The following RIPOR3 variants were observed in gnomAD, a reference collection of about 807,000 sequenced individuals.
RIPOR3 encodes family with sequence similarity 65 member C.
Under a neutral mutation model 114.3 loss-of-function variants are expected in RIPOR3, and 95 were observed. The ratio of observed to expected loss-of-function variants is 0.83; its 90% confidence interval spans 0.70 to 0.99. The LOEUF is 0.99. RIPOR3 is among the 50% of genes least tolerant of loss of function. RIPOR3 has a pLI of 0.00. For synonymous variants in RIPOR3, 575 were observed against 543.8 expected (o/e 1.06, Z -0.80); for missense variants, 1,252 against 1,266.9 (o/e 0.99, Z 0.18).
chr20:50,680,046 T>C (rs1009644271), intron 1 of RIPOR3, among the ~76,000 whole-genome samples: 6 of 152,302 alleles, frequency 3.9e-5, no homozygotes, highest in Admixed American at 2.0e-4. Context: ...CCAGCATCTC[T>C]GTTTTGTCCT....
At chr20:50,630,629 G>T in intron 2 of RIPOR3, 109 bp downstream of exon 2, 2 of 895,610 alleles carry the variant, frequency 2.2e-6, no homozygotes, top group Non-Finnish European at 3.4e-6. Flanking sequence ...GCCGGCCTGA[G>T]AGTGGGCCTT....
intron 4 of RIPOR3, among the ~76,000 whole-genome samples, chr20:50,613,590 G>A (rs1240784936): frequency 2.5e-4 from 38 of 152,210 alleles, no homozygotes. Flanking sequence ...TGTCATGGGA[G>A]CAGGACTCGA....
chr20:50,591,250 A>G (rs1462427738), intron 19 of RIPOR3, among the ~76,000 whole-genome samples: 4 of 152,248 alleles, frequency 2.6e-5, no homozygotes, highest in Non-Finnish European at 5.9e-5. Flanking sequence ...TATGATATAA[A>G]GGAATTGATA....
intron 1 of RIPOR3, among the ~76,000 whole-genome samples, chr20:50,658,192 C>A (rs1272734069): frequency 6.6e-6 from 1 of 152,092 alleles, no homozygotes; most frequent in Non-Finnish European, 1.5e-5. Flanking sequence ...GTGCAAGAGA[C>A]CCAAATGTCC....
intron 1 of RIPOR3, among the ~76,000 whole-genome samples, chr20:50,675,153 G>A (rs1185845366): frequency 6.6e-6 from 1 of 152,128 alleles, no homozygotes; most frequent in Non-Finnish European, 1.5e-5. Context: ...AAGGATCCCT[G>A]ACCACCAGCA....
Position 50,594,535 on chromosome 20 carries a change from G to A in RIPOR3, c.2212+18C>T, listed in dbSNP as rs959115149. The A allele has an allele frequency of 2.5e-6, 4 of 1,608,432 alleles. No homozygotes were observed. In the African/African-American group the frequency reaches 5.3e-5, roughly 21 times the overall value. ...AGCCTTTCTGTGGGAGGGGACGACA[G>A]GACAGAAGGGAACCCACCTATTTCC... On this transcript the variant is annotated intron_variant, in intron 17 of 21. Coordinates refer to ENST00000327979, the MANE Select transcript of RIPOR3 (RefSeq NM_001290268.2).
At chr20:50,601,398 C>A (rs891660257) in intron 13 of RIPOR3, among the ~76,000 whole-genome samples, 1 of 152,114 alleles carries the variant, frequency 6.6e-6, no homozygotes, top group Non-Finnish European at 1.5e-5. Flanking sequence ...GGCGCCGCTA[C>A]AACTCTGTTG....
intron 3 of RIPOR3, among the ~76,000 whole-genome samples, chr20:50,619,670 T>C (rs944992850): frequency 6.6e-6 from 1 of 152,208 alleles, no homozygotes; most frequent in South Asian, 2.1e-4. Context: ...CCTTTCTTCA[T>C]TGCACTCAGC....
chr20:50,663,480 A>G (rs1287896653), intron 1 of RIPOR3, among the ~76,000 whole-genome samples: 1 of 152,132 alleles, frequency 6.6e-6, no homozygotes, highest in East Asian at 1.9e-4. Flanking sequence ...GAATAACTCT[A>G]CCTGCTTCAC....
At chr20:50,604,011 G>A (rs1236453629) in intron 12 of RIPOR3, among the ~76,000 whole-genome samples, 3 of 151,982 alleles carry the variant, frequency 2.0e-5, no homozygotes, top group Admixed American at 6.6e-5. Context: ...GTGAAACCCC[G>A]TCTCTACTAA....
chr20:50,608,630 C>T lies in RIPOR3; in HGVS notation c.793G>A (p.Glu265Lys), dbSNP rs1435605774. Residue 265 changes from glutamate (E) to lysine (K), a missense_variant, in exon 10 of 22, where the codon GAG (glutamate) becomes AAG (lysine). Coordinates refer to ENST00000327979, the MANE Select transcript of RIPOR3 (RefSeq NM_001290268.2). Reference protein sequence around the residue: ...EEKAFIPTLHENLDIKVTELR... With the variant: ...EEKAFIPTLHKNLDIKVTELR... The stretch of plus-strand genomic sequence containing the variant: ...ATCCCCACCTTGATGTCCAGGTTCT[C>T]ATGCAGCGTGGGGATGAAGGCCTTC... 1 of 1,614,062 alleles carries T rather than the reference C, an allele frequency of 6.2e-7. No homozygotes were observed. The highest frequency in any genetic ancestry group is 1.1e-5 in the South Asian group (1 of 91,084).
At chr20:50,611,728 T>C (rs2083986533) in intron 4 of RIPOR3, among the ~76,000 whole-genome samples, 1 of 152,038 alleles carries the variant, frequency 6.6e-6, no homozygotes, top group African/African-American at 2.4e-5. Flanking sequence ...ACAAATAATA[T>C]ATCATCAGGG....
chr20:50,631,294 C>G (rs933863004), intron 1 of RIPOR3, among the ~76,000 whole-genome samples: 1 of 152,174 alleles, frequency 6.6e-6, no homozygotes, highest in African/African-American at 2.4e-5. Flanking sequence ...CCACCTACTG[C>G]CGAACAGTTA....
At chr20:50,688,730 G>A (rs1206579466) in intron 1 of RIPOR3, among the ~76,000 whole-genome samples, 1 of 152,168 alleles carries the variant, frequency 6.6e-6, no homozygotes, top group Non-Finnish European at 1.5e-5. Flanking sequence ...AGTTTACAGA[G>A]ATGGCACCAT....
In RIPOR3 at chr20:50,602,665, C is replaced by CGG; in HGVS notation, c.1087-23_1087-22dup. 7.0e-7 allele frequency: 1 copy of CGG among 1,423,242 alleles called. No individual in the cohort carries two copies. The highest frequency in any genetic ancestry group is 9.2e-7 in the Non-Finnish European group (1 of 1,084,510). The allele number at this position is 1,423,242 out of a possible 1,614,324, so 88.2% of individuals were successfully genotyped here. On this transcript the variant is annotated intron_variant, in intron 12 of 21. Transcript: ENST00000327979. The surrounding 1 kb of genome is among the most constrained non-coding windows in gnomAD (Gnocchi z 4.3). ...ACAGACTGGAGAGGGGACACGGGAG[C>CGG]GGCCTCACCAGCCACCCCAGGGACC... is the stretch of plus-strand genomic sequence containing the variant.
At chr20:50,662,731 T>C (rs1364714310) in intron 1 of RIPOR3, among the ~76,000 whole-genome samples, 1 of 148,250 alleles carries the variant, frequency 6.7e-6, no homozygotes, top group Non-Finnish European at 1.5e-5. Context: ...CTCTGGCTGG[T>C]GACACGGGGG....
intron 1 of RIPOR3, chr20:50,646,035 G>T (rs2085389075): frequency 6.6e-6 from 1 of 152,200 alleles, no homozygotes; most frequent in African/African-American, 2.4e-5. Flanking sequence ...CGCCTCCCTG[G>T]GGCAGGATCT....
chr20:50,617,510 T>C (rs949151832), intron 3 of RIPOR3, among the ~76,000 whole-genome samples: 4 of 152,038 alleles, frequency 2.6e-5, no homozygotes, highest in African/African-American at 9.7e-5. Context: ...CTTGAACTCC[T>C]AGGCTCAAGG....
intron 1 of RIPOR3, chr20:50,653,109 G>A (rs2123411894): frequency 6.6e-6 from 1 of 152,190 alleles, no homozygotes; most frequent in East Asian, 1.9e-4. Flanking sequence ...GCCATACAAA[G>A]GGACACTATA....
Sources: gnomAD v4.1 joint callset for allele counts (sites outside exome capture counted in the v4.1 genomes callset) on GRCh38, gnomAD v4.1.1 for gene constraint, Gnocchi (gnomAD v3.1) non-coding constraint, MANE v1.5 for transcripts, NCBI Gene and HGNC (gene_info 2026-07-23, HGNC 2026-07-21) for gene names.